The following NFIB variants were observed in gnomAD, a reference collection of about 807,000 sequenced individuals.
The protein encoded by NFIB is nuclear factor I B.
NFIB carries 11 observed loss-of-function variants against 61.5 expected under a neutral mutation model. That is an observed-to-expected ratio of 0.18 (90% CI 0.11 to 0.30). The LOEUF is 0.30. NFIB is among the 10% of genes least tolerant of loss of function. NFIB has a pLI of 1.00. For missense variants in NFIB, 471 were observed against 608.9 expected (o/e 0.77, Z 2.38); for synonymous variants, 260 against 216.5 (o/e 1.20, Z -1.76).
chr9:14,145,576 A>AACAT (rs1022531177), intron 6 of NFIB, among the ~76,000 whole-genome samples: 5 of 152,054 alleles, frequency 3.3e-5, no homozygotes, highest in Non-Finnish European at 5.9e-5. Context: ...AAGAGTACTC[A>AACAT]ACATAGAGTA....
intron 1 of NFIB, among the ~76,000 whole-genome samples, chr9:14,347,959 G>C (rs916974776): frequency 1.3e-5 from 2 of 152,174 alleles, no homozygotes; most frequent in Non-Finnish European, 2.9e-5. Flanking sequence ...TGGTCTCCGC[G>C]CACCACGTGC....
chr9:14,188,858 T>C (rs2382450), intron 2 of NFIB, among the ~76,000 whole-genome samples: 105,548 of 152,146 alleles, frequency 0.69, 40,940 homozygotes, highest in South Asian at 0.92. Flanking sequence ...ACAAGGTATG[T>C]AGTGCAAAGA....
the NFIB span, among the ~76,000 whole-genome samples, chr9:14,466,484 T>C: frequency 2.6e-5 from 4 of 152,052 alleles, no homozygotes; most frequent in South Asian, 2.1e-4. Flanking sequence ...TCTCCCCTCA[T>C]ACTTCCCACT....
At chr9:14,386,247 A>C (rs1364343989) in intron 1 of NFIB, among the ~76,000 whole-genome samples, 1 of 152,250 alleles carries the variant, frequency 6.6e-6, no homozygotes. Flanking sequence ...ACTCATAAGG[A>C]TACCTTGCTC....
rs59897559 is a variant in NFIB at position 14,182,708 on chromosome 9, C to CTGTG, written c.563-2932_563-2929dup. ...CCTCTCTCTCTCTCTCTCTCTCTCTCTGTGTGTGTGTGTGTGTGTGTGTGT... is the reference window on the plus strand; with the variant it reads ...CCTCTCTCTCTCTCTCTCTCTCTCTCTGTGTGTGTGTGTGTGTGTGTGTGTGTGT... On this transcript the variant is annotated intron_variant, in intron 2 of 10. Transcript: ENST00000380953. Among the ~76,000 whole-genome samples the CTGTG allele has an allele frequency of 2.2e-3, 216 of 96,978 alleles. 5 individuals carry two copies. The highest frequency in any genetic ancestry group is 8.3e-3 in the African/African-American group (188 of 22,740). 63.6% of individuals were successfully genotyped at this position (96,978 alleles called of 152,430 possible). A position where few individuals can be genotyped will look rare whatever the true frequency, so the allele number is the denominator to read the frequency against.
intron 2 of NFIB, among the ~76,000 whole-genome samples, chr9:14,240,859 G>A (rs2054272903): frequency 6.6e-6 from 1 of 152,188 alleles, no homozygotes; most frequent in Non-Finnish European, 1.5e-5. Context: ...TAGCTTTGTA[G>A]GCTGCAAGTA....
chr9:14,268,091 C>T (rs1031617525), intron 2 of NFIB, among the ~76,000 whole-genome samples: 4 of 147,694 alleles, frequency 2.7e-5, no homozygotes, highest in African/African-American at 1.0e-4. Flanking sequence ...GCCAAGATCA[C>T]GCCTGGCCGA....
the NFIB span, among the ~76,000 whole-genome samples, chr9:14,442,254 T>A: frequency 6.6e-6 from 1 of 152,104 alleles, no homozygotes. Flanking sequence ...TCTGATATTC[T>A]CCCCACTAAA....
chr9:14,454,720 T>C, the NFIB span, among the ~76,000 whole-genome samples: 2 of 152,234 alleles, frequency 1.3e-5, no homozygotes, highest in South Asian at 2.1e-4. Context: ...AAGTATTCTG[T>C]ACCTTTCACT....
the NFIB span, among the ~76,000 whole-genome samples, chr9:14,504,806 A>G: frequency 6.6e-6 from 1 of 152,114 alleles, no homozygotes; most frequent in African/African-American, 2.4e-5. Flanking sequence ...CTCTATACTG[A>G]TTTGGATGCC....
chr9:14,177,673 A>G (rs1050103684), intron 3 of NFIB, among the ~76,000 whole-genome samples: 8 of 152,188 alleles, frequency 5.3e-5, no homozygotes, highest in Non-Finnish European at 1.2e-4. Context: ...TTACATATAT[A>G]CAATTTTCAA....
intron 2 of NFIB, among the ~76,000 whole-genome samples, chr9:14,276,265 C>T (rs951418764): frequency 7.9e-5 from 12 of 152,274 alleles, no homozygotes; most frequent in African/African-American, 2.9e-4. Context: ...GGGGTAGTTG[C>T]TTCCCAATCC....
At chr9:14,224,403 G>A (rs933083604) in intron 2 of NFIB, among the ~76,000 whole-genome samples, 20 of 152,202 alleles carry the variant, frequency 1.3e-4, no homozygotes, top group Non-Finnish European at 2.8e-4. Context: ...AAAAATCAAG[G>A]TGTAGAGGAT....
At chr9:14,446,335 T>G in the NFIB span, among the ~76,000 whole-genome samples, 1 of 152,362 alleles carries the variant, frequency 6.6e-6, no homozygotes, top group Admixed American at 6.5e-5. Flanking sequence ...CTGTCTCTGC[T>G]TAATTCCCCT....
chr9:14,282,391 G>A (rs76775130), intron 2 of NFIB, among the ~76,000 whole-genome samples: 183 of 152,248 alleles, frequency 1.2e-3, no homozygotes, highest in African/African-American at 4.3e-3. Flanking sequence ...TGTGTTTAAT[G>A]ACTTTTCTTC....
At chr9:14,402,573 T>C (rs1369508275), upstream of NFIB, among the ~76,000 whole-genome samples, 1 of 152,166 alleles carries the variant, frequency 6.6e-6, no homozygotes, top group Admixed American at 6.5e-5. Context: ...AAAATTAAGA[T>C]TGTAAAAGAA....
chr9:14,440,556 C>T, the NFIB span, among the ~76,000 whole-genome samples: 2 of 152,124 alleles, frequency 1.3e-5, no homozygotes, highest in East Asian at 1.9e-4. Context: ...CTGATTAAAG[C>T]GGGGCTATGA....
the NFIB span, among the ~76,000 whole-genome samples, chr9:14,525,338 C>T: frequency 6.6e-6 from 1 of 152,150 alleles, no homozygotes; most frequent in East Asian, 1.9e-4. Context: ...TGGGAAAGAG[C>T]AGAGAAACTT....
intron 2 of NFIB, among the ~76,000 whole-genome samples, chr9:14,279,021 T>C (rs909310420): frequency 1.4e-4 from 22 of 152,170 alleles, no homozygotes; most frequent in Admixed American, 6.6e-4. Flanking sequence ...CAGGAATTTT[T>C]CATTTTAGTG....
Sources: gnomAD v4.1 joint callset for allele counts (sites outside exome capture counted in the v4.1 genomes callset) on GRCh38, gnomAD v4.1.1 for gene constraint, MANE v1.5 for transcripts, NCBI Gene and HGNC (gene_info 2026-07-23, HGNC 2026-07-21) for gene names.